CDC42BPA: variants seen among roughly 807,000 people sequenced by gnomAD.
CDC42BPA encodes CDC42 binding protein kinase alpha.
CDC42BPA carries 80 observed loss-of-function variants against 223.5 expected under a neutral mutation model. The observed-to-expected ratio is 0.36, with a 90% confidence interval of 0.30 to 0.43. CDC42BPA has a LOEUF of 0.43. Among genes scored for constraint, CDC42BPA ranks in the 20% least tolerant of loss-of-function variants. The probability of loss-of-function intolerance (pLI) is 1.00; values close to 1 mark genes in which losing one functional copy is unlikely to be tolerated. For missense variants in CDC42BPA, 1,743 were observed against 2,099.9 expected, an observed-to-expected ratio of 0.83 and a Z score of 3.32; for synonymous variants, 694 against 718.6, an observed-to-expected ratio of 0.97 and a Z score of 0.55.
chr1:227,217,438 ACT>A (rs946714059), intron 2 of CDC42BPA, among the ~76,000 whole-genome samples: 1 of 146,788 alleles, frequency 6.8e-6, no homozygotes, highest in South Asian at 2.2e-4. Flanking sequence ...AGTGAGTGAG[ACT>A]CTGTCTCAAA....
At chr1:227,212,777 T>C (rs1377513477) in intron 3 of CDC42BPA, among the ~76,000 whole-genome samples, 1 of 152,228 alleles carries the variant, frequency 6.6e-6, no homozygotes, top group African/African-American at 2.4e-5. Context: ...CTTTTGCTTG[T>C]AGCAGAATAC....
chr1:227,133,204 G>A (rs1315591379), intron 10 of CDC42BPA, among the ~76,000 whole-genome samples: 1 of 150,346 alleles, frequency 6.7e-6, no homozygotes, highest in African/African-American at 2.4e-5. Flanking sequence ...CCCCGTCTGG[G>A]AGGGAGGTGG....
In CDC42BPA at chr1:227,239,081, T is replaced by C. The variant is rs1414958625; in HGVS notation, c.270+14983A>G. ...CACACAGTGTATCTAGACAATGTAA[T>C]ATTATTCAGCACTAAAAAGAAAAGA... On this transcript the variant is annotated intron_variant, in intron 2 of 36. Coordinates refer to ENST00000366766, the MANE Select transcript of CDC42BPA (RefSeq NM_001394014.1). Among the ~76,000 whole-genome samples, 4 of 152,328 alleles carry C rather than the reference T, an allele frequency of 2.6e-5. No individual in the cohort carries two copies. The East Asian group carries it at 5.8e-4, about 22-fold the overall frequency.
intron 6 of CDC42BPA, among the ~76,000 whole-genome samples, chr1:227,157,001 A>G (rs1156853337): frequency 6.6e-6 from 1 of 152,112 alleles, no homozygotes; most frequent in African/African-American, 2.4e-5. Context: ...TATATTTCCT[A>G]TATACAGTTA....
chr1:227,118,897 G>A (rs966681057), intron 12 of CDC42BPA, among the ~76,000 whole-genome samples: 67 of 152,158 alleles, frequency 4.4e-4, no homozygotes, highest in African/African-American at 1.6e-3. Flanking sequence ...AAGTAAAAAT[G>A]TACTGGTCTA....
At chr1:227,082,672 G>A (rs79991887) in intron 16 of CDC42BPA, among the ~76,000 whole-genome samples, 10,251 of 134,700 alleles carry the variant, frequency 0.076, 563 homozygotes, top group East Asian at 0.28. Context: ...CTGAGATTGC[G>A]TCACTGCACT....
At chr1:227,254,177 A>G in intron 1 of CDC42BPA, 22 bp from the exon 2 acceptor site, 1 of 1,202,258 alleles carries the variant, frequency 8.3e-7, no homozygotes. Context: ...GAGCAATATC[A>G]ATTATTTTCT....
Position 227,132,384 on chromosome 1 carries a change from C to T in CDC42BPA, c.1391-3153G>A, listed in dbSNP as rs368471619. On this transcript the variant is annotated intron_variant, in intron 10 of 36. Coordinates refer to ENST00000366766, the MANE Select transcript of CDC42BPA (RefSeq NM_001394014.1). Reference sequence around the variant, plus strand: ...CTAACCGCGAGTGATCCGCCAGCCTCGGCCTCCCGAGGTGCCGGGATTGCA... The same window carrying T: ...CTAACCGCGAGTGATCCGCCAGCCTTGGCCTCCCGAGGTGCCGGGATTGCA... 2.0e-3 allele frequency among the ~76,000 whole-genome samples: 298 copies of T among 151,934 alleles called. 2 individuals are homozygous for T. Among genetic ancestry groups the T allele is most frequent in the African/African-American group, 6.8e-3 (283 of 41,434 alleles).
At chr1:227,228,884 T>C (rs1168050341) in intron 2 of CDC42BPA, among the ~76,000 whole-genome samples, 1 of 152,232 alleles carries the variant, frequency 6.6e-6, no homozygotes, top group Non-Finnish European at 1.5e-5. Flanking sequence ...TGTGCTTTTA[T>C]TGCTGAGTTG....
At chr1:227,253,405 G>A (rs1256983205) in intron 2 of CDC42BPA, among the ~76,000 whole-genome samples, 1 of 152,160 alleles carries the variant, frequency 6.6e-6, no homozygotes, top group African/African-American at 2.4e-5. Context: ...AGACCCGCCT[G>A]ACCAACACGG....
chr1:227,124,700 C>A (rs1479468759), intron 11 of CDC42BPA, among the ~76,000 whole-genome samples: 1 of 152,068 alleles, frequency 6.6e-6, no homozygotes, highest in Non-Finnish European at 1.5e-5. Context: ...GAGGCAAATA[C>A]ATGCATAATA....
At chr1:227,010,243 T>TTAGGA (rs1365525763) in intron 34 of CDC42BPA, among the ~76,000 whole-genome samples, 1 of 152,220 alleles carries the variant, frequency 6.6e-6, no homozygotes, top group Non-Finnish European at 1.5e-5. Flanking sequence ...GCTTTTTAAA[T>TTAGGA]TTTCCTCTTT....
chr1:227,004,701 T>C (rs921641931), intron 35 of CDC42BPA: 5 of 406,358 alleles, frequency 1.2e-5, no homozygotes, highest in African/African-American at 4.0e-5. Context: ...CCCCTTGTTA[T>C]TCTCTATTAA....
chr1:227,153,782 A>C (rs1048961169), intron 6 of CDC42BPA, among the ~76,000 whole-genome samples: 1 of 151,952 alleles, frequency 6.6e-6, no homozygotes, highest in Non-Finnish European at 1.5e-5. Context: ...GAAGAAAACA[A>C]AACTTCACCC....
intron 32 of CDC42BPA, among the ~76,000 whole-genome samples, chr1:227,020,819 C>T (rs1363270171): frequency 3.9e-5 from 6 of 152,196 alleles, no homozygotes; most frequent in Non-Finnish European, 5.9e-5. Context: ...CAGCCTATCT[C>T]GACTTTCAAT....
chr1:227,213,105 AT>A, intron 3 of CDC42BPA, 30 bp downstream of exon 3: 2 of 1,020,984 alleles, frequency 2.0e-6, no homozygotes, highest in Non-Finnish European at 2.9e-6. Context: ...TTTCTAAAAT[AT>A]TTATATATTC....
At chr1:227,243,342 T>A (rs1680331958) in intron 2 of CDC42BPA, among the ~76,000 whole-genome samples, 1 of 152,218 alleles carries the variant, frequency 6.6e-6, no homozygotes, top group Non-Finnish European at 1.5e-5. Context: ...AAAAAAGACT[T>A]CTACATTGAA....
At chr1:227,161,515 T>C (rs1286074277) in intron 5 of CDC42BPA, among the ~76,000 whole-genome samples, 1 of 152,186 alleles carries the variant, frequency 6.6e-6, no homozygotes, top group East Asian at 1.9e-4. Context: ...AATAATGCCA[T>C]TTAAGATCTC....
At position 227,241,336 on chromosome 1, in the gene CDC42BPA, T is replaced by C. The variant is rs144771116; in HGVS notation, c.270+12728A>G. Among the ~76,000 whole-genome samples the C allele has an allele frequency of 4.0e-3, 609 of 152,250 alleles. 4 individuals are homozygous for C. The highest frequency in any genetic ancestry group is 0.014 in the African/African-American group (569 of 41,566). ...CTACTGCCTAGCATAGCAGTTCCAC[T>C]TCTGGTTATTTACCCAAAGAAAACA... is the stretch of plus-strand genomic sequence containing the variant. On this transcript the variant is annotated intron_variant, in intron 2 of 36. Coordinates refer to ENST00000366766, the MANE Select transcript of CDC42BPA (RefSeq NM_001394014.1).
Sources: gnomAD v4.1 joint callset for allele counts (sites outside exome capture counted in the v4.1 genomes callset) on GRCh38, gnomAD v4.1.1 for gene constraint, MANE v1.5 for transcripts, NCBI Gene and HGNC (gene_info 2026-07-23, HGNC 2026-07-21) for gene names.